Variants in CA10 observed in about 807,000 individuals in gnomAD.
CA10 encodes carbonic anhydrase 10 (inactive), also known as carbonic anhydrase-related protein 10.
In CA10, 14 loss-of-function variants were observed where a neutral mutation model predicts 44.2. The observed-to-expected ratio is 0.32, with a 90% confidence interval of 0.21 to 0.50. CA10 has a LOEUF of 0.50. Ranked by LOEUF, CA10 falls within the 20% of genes least tolerant of loss-of-function variation. CA10 has a pLI of 0.99. For synonymous variants in CA10, 159 were observed against 141.6 expected, an observed-to-expected ratio of 1.12 and a Z score of -0.87; for missense variants, 350 against 409.7, an observed-to-expected ratio of 0.85 and a Z score of 1.26.
At chr17:51,713,815 G>A (rs1263989) in intron 4 of CA10, among the ~76,000 whole-genome samples, 60,569 of 151,914 alleles carry the variant, frequency 0.4, 12,426 homozygotes, top group Admixed American at 0.46. Flanking sequence ...CTGAATTATA[G>A]GTGGAGTGAA....
At chr17:51,760,710 G>A (rs1905194666) in intron 3 of CA10, among the ~76,000 whole-genome samples, 2 of 152,138 alleles carry the variant, frequency 1.3e-5, no homozygotes, top group Non-Finnish European at 2.9e-5. Flanking sequence ...GTATAACCTG[G>A]GATGTGTGCT....
intron 3 of CA10, among the ~76,000 whole-genome samples, chr17:51,904,997 C>T (rs1029991418): frequency 6.6e-6 from 1 of 152,136 alleles, no homozygotes; most frequent in African/African-American, 2.4e-5. Context: ...TACATGTTCC[C>T]AACCTCCTAA....
chr17:51,842,091 T>C (rs1264323045), intron 3 of CA10, among the ~76,000 whole-genome samples: 2 of 152,186 alleles, frequency 1.3e-5, no homozygotes, highest in African/African-American at 4.8e-5. Context: ...TCTGAGACTA[T>C]TTGGAATTTG....
intron 3 of CA10, 135 bp downstream of exon 3, chr17:51,930,855 C>A: frequency 4.1e-6 from 4 of 973,918 alleles, no homozygotes; most frequent in South Asian, 3.2e-5. Flanking sequence ...TATCTAATGG[C>A]GGCAGGTCTG....
chr17:52,133,231 C>A (rs954398350), intron 1 of CA10, among the ~76,000 whole-genome samples: 1 of 152,230 alleles, frequency 6.6e-6, no homozygotes, highest in Non-Finnish European at 1.5e-5. Flanking sequence ...ATGGTGCAAA[C>A]CTCTAAGGTA....
chr17:52,103,964 T>G (rs1369347099), intron 1 of CA10, among the ~76,000 whole-genome samples: 1 of 152,200 alleles, frequency 6.6e-6, no homozygotes, highest in Non-Finnish European at 1.5e-5. Context: ...AAACCCCAGC[T>G]CTGCAGAACC....
intron 1 of CA10, among the ~76,000 whole-genome samples, chr17:52,117,436 T>C (rs1335790626): frequency 3.3e-5 from 5 of 152,300 alleles, no homozygotes; most frequent in East Asian, 3.9e-4. Context: ...AATAATCCAA[T>C]TGGGATTGTT....
At chr17:52,044,662 A>G (rs748594658) in intron 2 of CA10, among the ~76,000 whole-genome samples, 1 of 152,182 alleles carries the variant, frequency 6.6e-6, no homozygotes, top group African/African-American at 2.4e-5. Context: ...ACTTCTAGAC[A>G]TAAAAAATTT....
chr17:52,127,007 A>G (rs1989133928), intron 1 of CA10, among the ~76,000 whole-genome samples: 1 of 152,184 alleles, frequency 6.6e-6, no homozygotes, highest in Admixed American at 6.5e-5. Flanking sequence ...TTTATTTGCA[A>G]TTATACAATA....
chr17:51,864,679 G>A (rs1162918500), intron 3 of CA10, among the ~76,000 whole-genome samples: 1 of 152,152 alleles, frequency 6.6e-6, no homozygotes, highest in East Asian at 1.9e-4. Flanking sequence ...TCTTCTCTCA[G>A]TAACAAAGGT....
chr17:51,651,706 G>A (rs1169501386), intron 5 of CA10, among the ~76,000 whole-genome samples: 4 of 152,204 alleles, frequency 2.6e-5, no homozygotes, highest in African/African-American at 9.7e-5. Context: ...CCGTCACTCT[G>A]TCAGCTGTCA....
At chr17:51,822,857 G>A (rs997393712) in intron 3 of CA10, among the ~76,000 whole-genome samples, 2 of 152,150 alleles carry the variant, frequency 1.3e-5, no homozygotes, top group Non-Finnish European at 2.9e-5. Context: ...AGACTCAAAC[G>A]AATGAAAGGT....
At chr17:52,132,504 G>T (rs1292096842) in intron 1 of CA10, among the ~76,000 whole-genome samples, 3 of 152,206 alleles carry the variant, frequency 2.0e-5, no homozygotes, top group African/African-American at 7.2e-5. Flanking sequence ...AGAAAGGTGT[G>T]CTGTACCTGT....
intron 3 of CA10, among the ~76,000 whole-genome samples, chr17:51,787,278 T>C (rs1906326298): frequency 6.6e-6 from 1 of 152,188 alleles, no homozygotes; most frequent in African/African-American, 2.4e-5. Flanking sequence ...AGGCTTTTAC[T>C]GGGAGACTTT....
intron 2 of CA10, among the ~76,000 whole-genome samples, chr17:51,940,088 C>T (rs1030003858): frequency 3.3e-5 from 5 of 151,988 alleles, no homozygotes; most frequent in Non-Finnish European, 7.4e-5. Context: ...TGCTATGAGA[C>T]AGGGGTCTAA....
chr17:52,004,885 T>A (rs913004746), intron 2 of CA10, among the ~76,000 whole-genome samples: 1 of 151,878 alleles, frequency 6.6e-6, no homozygotes, highest in African/African-American at 2.4e-5. Flanking sequence ...TCCCCAATTA[T>A]TTTTAGCCTC....
chr17:51,717,789 ATGTATATG>A lies in CA10; in HGVS notation c.465+29836_465+29843del, dbSNP rs1168155786. 2.6e-5 allele frequency among the ~76,000 whole-genome samples: 2 copies of A among 76,102 alleles called. 1 individual carries two copies. Among genetic ancestry groups the A allele is most frequent in the African/African-American group, 9.5e-5 (2 of 21,032 alleles). The allele number at this position is 76,102 out of a possible 152,430, so 49.9% of individuals were successfully genotyped here. A position where few individuals can be genotyped will look rare whatever the true frequency, so the allele number is the denominator to read the frequency against. ...TATGTATACATATATGCATGTATAT[ATGTATATG>A]TGTATATATATACACGTATATATAT... On this transcript the variant is annotated intron_variant, in intron 4 of 8. Coordinates refer to ENST00000451037, the MANE Select transcript of CA10 (RefSeq NM_020178.5).
chr17:52,014,167 T>C (rs923888564), intron 2 of CA10, among the ~76,000 whole-genome samples: 1 of 151,968 alleles, frequency 6.6e-6, no homozygotes, highest in South Asian at 2.1e-4. Context: ...TATGAATTTA[T>C]GAATGAAAAA....
chr17:51,905,316 A>G (rs987799050), intron 3 of CA10, among the ~76,000 whole-genome samples: 13 of 152,066 alleles, frequency 8.5e-5, no homozygotes, highest in Admixed American at 5.2e-4. Flanking sequence ...CCCTGACCTC[A>G]TAGGCCCATT....
Sources: gnomAD v4.1 joint callset for allele counts (sites outside exome capture counted in the v4.1 genomes callset) on GRCh38, gnomAD v4.1.1 for gene constraint, MANE v1.5 for transcripts, NCBI Gene and HGNC (gene_info 2026-07-23, HGNC 2026-07-21) for gene names.